Variants in LATS2 observed in about 807,000 individuals in gnomAD.
The protein encoded by LATS2 is serine/threonine-protein kinase LATS2.
In LATS2, 24 loss-of-function variants were observed where a neutral mutation model predicts 76.0. The observed-to-expected ratio is 0.32, with a 90% CI of 0.23 to 0.44. LATS2 has a LOEUF of 0.44. LATS2 is among the 20% of genes least tolerant of loss of function. LATS2 has a pLI of 1.00. For synonymous variants in LATS2, 692 were observed against 635.4 expected (o/e 1.09, Z -1.34); for missense variants, 1,286 against 1,481.2 (o/e 0.87, Z 2.16).
intron 2 of LATS2, among the ~76,000 whole-genome samples, chr13:21,006,573 G>C (rs2138328536): frequency 6.6e-6 from 1 of 152,310 alleles, no homozygotes; most frequent in South Asian, 2.1e-4. Flanking sequence ...GACTTTTTCT[G>C]TTTGGGCTCC....
intron 2 of LATS2, among the ~76,000 whole-genome samples, chr13:21,011,809 TAG>T (rs1461314613): frequency 6.6e-6 from 1 of 152,238 alleles, no homozygotes; most frequent in Admixed American, 6.5e-5. Flanking sequence ...GTGAACATCA[TAG>T]AGTGTACTTA....
In LATS2 at chr13:20,981,453, A is replaced by G. The variant is rs1483696707; in HGVS notation, c.2665+13T>C. 3 of 1,606,720 alleles carry G rather than the reference A, an allele frequency of 1.9e-6. No homozygotes were observed. The highest frequency in any genetic ancestry group is 3.4e-5 in the Admixed American group (2 of 59,218). On this transcript the variant is annotated intron_variant, in intron 6 of 7. Coordinates refer to ENST00000382592, the MANE Select transcript of LATS2 (RefSeq NM_014572.3). ...GAGACCTCCTGCGGGGTGGCTGGCCATGGCGCATGTACCTTTGCGGAGGAG... is the reference window on the plus strand; with the variant it reads ...GAGACCTCCTGCGGGGTGGCTGGCCGTGGCGCATGTACCTTTGCGGAGGAG...
Position 20,988,520 on chromosome 13 carries a change from GCCAGGCGGA to G in LATS2, c.1251_1259del (p.Pro418_Gly420del), listed in dbSNP as rs1350984688. On this transcript the variant is annotated inframe_deletion, in exon 4 of 8. Transcript: ENST00000382592. ...GGGCGGGCAGGGAGGGCTCGGCCTT[GCCAGGCGGA>G]CCGGGCCGCGGCTGGTGGCTGTTGA... 6.4e-7 allele frequency: 1 copy of G among 1,565,006 alleles called. No individual in the cohort carries two copies. Among genetic ancestry groups the G allele is most frequent in the Non-Finnish European group, 8.6e-7 (1 of 1,164,012 alleles).
chr13:21,046,422 C>G (rs1873079746), intron 1 of LATS2, among the ~76,000 whole-genome samples, 192 bp from the exon 2 acceptor site: 2 of 152,176 alleles, frequency 1.3e-5, no homozygotes, highest in African/African-American at 4.8e-5. Context: ...ACGGCTGTCC[C>G]AAAATGCTTC....
intron 2 of LATS2, among the ~76,000 whole-genome samples, chr13:21,014,109 A>G (rs1456117094): frequency 6.6e-6 from 1 of 152,128 alleles, no homozygotes; most frequent in Admixed American, 6.6e-5. Context: ...TTAAAATGCC[A>G]AAGAATGTAG....
At chr13:20,998,150 C>A (rs1020392531) in intron 2 of LATS2, among the ~76,000 whole-genome samples, 3 of 151,960 alleles carry the variant, frequency 2.0e-5, no homozygotes, top group African/African-American at 7.3e-5. Flanking sequence ...CGCTTGAGGC[C>A]AGGAGTTCAA....
chr13:20,985,458 G>T (rs888952677), intron 4 of LATS2, among the ~76,000 whole-genome samples: 4 of 152,212 alleles, frequency 2.6e-5, no homozygotes, highest in Admixed American at 2.0e-4. Context: ...AAGCCAAAAG[G>T]CCAGATATGG....
At chr13:21,008,048 C>T (rs1002068179) in intron 2 of LATS2, among the ~76,000 whole-genome samples, 4 of 151,878 alleles carry the variant, frequency 2.6e-5, no homozygotes, top group South Asian at 2.1e-4. Flanking sequence ...CGTGAGCCAC[C>T]GTACCCAGCC....
intron 3 of LATS2, among the ~76,000 whole-genome samples, chr13:20,990,090 C>T (rs1465291031): frequency 6.6e-6 from 1 of 152,230 alleles, no homozygotes; most frequent in Non-Finnish European, 1.5e-5. Context: ...CGATACCTGG[C>T]AGAGTGAAGG....
intron 2 of LATS2, among the ~76,000 whole-genome samples, chr13:20,999,294 A>G (rs1206313883): frequency 6.6e-6 from 1 of 152,232 alleles, no homozygotes; most frequent in Non-Finnish European, 1.5e-5. Context: ...TTGGTAAACC[A>G]GACACACGCC....
At chr13:21,051,867 G>A (rs536296306) in intron 1 of LATS2, among the ~76,000 whole-genome samples, 76 of 134,712 alleles carry the variant, frequency 5.6e-4, no homozygotes, top group Admixed American at 3.8e-3. Flanking sequence ...TGAGGTGGGA[G>A]AATCACTTAA....
intron 2 of LATS2, among the ~76,000 whole-genome samples, chr13:21,014,712 A>G (rs1871733378): frequency 1.3e-5 from 2 of 152,242 alleles, no homozygotes; most frequent in Admixed American, 1.3e-4. Context: ...AATGTGAGCA[A>G]CAAAAATAAA....
chr13:21,032,866 G>C (rs1872578189), intron 2 of LATS2, among the ~76,000 whole-genome samples: 1 of 152,156 alleles, frequency 6.6e-6, no homozygotes, highest in Non-Finnish European at 1.5e-5. Context: ...CACTTCAGGG[G>C]GCGACAGCAT....
At chr13:20,992,754 T>C (rs991138345) in intron 2 of LATS2, among the ~76,000 whole-genome samples, 1 of 151,986 alleles carries the variant, frequency 6.6e-6, no homozygotes, top group African/African-American at 2.4e-5. Context: ...GGGGTGGAGA[T>C]GGCTGGGCGT....
chr13:21,027,897 ACT>A (rs950796885), intron 2 of LATS2, among the ~76,000 whole-genome samples: 13 of 151,330 alleles, frequency 8.6e-5, no homozygotes, highest in Middle Eastern at 3.4e-3. Flanking sequence ...CTGTGAACAT[ACT>A]CTCTCCATTT....
At chr13:21,055,689 A>G (rs1162747808) in intron 1 of LATS2, among the ~76,000 whole-genome samples, 1 of 152,204 alleles carries the variant, frequency 6.6e-6, no homozygotes, top group Admixed American at 6.5e-5. Flanking sequence ...AGCACCAACC[A>G]AGGAACCAAC....
intron 2 of LATS2, among the ~76,000 whole-genome samples, chr13:21,038,338 T>C (rs1872748172): frequency 6.6e-6 from 1 of 152,142 alleles, no homozygotes; most frequent in African/African-American, 2.4e-5. Context: ...GTGGTATATG[T>C]ATTATATAGT....
intron 5 of LATS2, among the ~76,000 whole-genome samples, chr13:20,982,980 G>C (rs1327115338): frequency 1.1e-5 from 1 of 95,102 alleles, no homozygotes; most frequent in Non-Finnish European, 2.0e-5. Context: ...CAACAAGAGC[G>C]AAACTCTGTC....
At chr13:21,046,285 T>G (rs967212553) in intron 1 of LATS2, 55 bp from the exon 2 acceptor site, 3 of 387,686 alleles carry the variant, frequency 7.7e-6, no homozygotes, top group African/African-American at 6.1e-5. Flanking sequence ...TCACGCAACG[T>G]TAATGCTACT....
Sources: allele counts gnomAD v4.1 joint callset (sites outside exome capture counted in the v4.1 genomes callset), GRCh38; gene constraint gnomAD v4.1.1; transcripts MANE v1.5; gene names NCBI Gene and HGNC (gene_info 2026-07-23, HGNC 2026-07-21).